Variants in RBMS1 observed in about 807,000 individuals in gnomAD.
RBMS1 encodes the protein RNA-binding motif, single-stranded-interacting protein 1.
A neutral mutation model predicts 62.3 loss-of-function variants in RBMS1; 17 were observed. The observed-to-expected ratio is 0.27, with a 90% CI of 0.19 to 0.41. RBMS1 has a LOEUF of 0.41. RBMS1 is among the 10% of genes least tolerant of loss of function. The pLI is 1.00. For synonymous variants in RBMS1, 172 were observed against 170.0 expected (o/e 1.01, Z -0.09); for missense variants, 334 against 504.5 (o/e 0.66, Z 3.24).
chr2:160,404,433 G>T (rs1280272025), intron 1 of RBMS1, among the ~76,000 whole-genome samples: 2 of 152,042 alleles, frequency 1.3e-5, no homozygotes, highest in African/African-American at 2.4e-5. Flanking sequence ...GCCTACTGTG[G>T]ATTAAAAATA....
At chr2:160,396,805 C>A (rs1695168474) in intron 1 of RBMS1, among the ~76,000 whole-genome samples, 1 of 151,988 alleles carries the variant, frequency 6.6e-6, no homozygotes, top group South Asian at 2.1e-4. Context: ...CCTCGTAATC[C>A]GCCCACCTCG....
chr2:160,419,252 C>A (rs1696318408), intron 1 of RBMS1, among the ~76,000 whole-genome samples: 1 of 152,088 alleles, frequency 6.6e-6, no homozygotes, highest in Admixed American at 6.5e-5. Context: ...TTCACTTAAG[C>A]TATTTGCTAT....
At chr2:160,405,866 A>C (rs551376042) in intron 1 of RBMS1, among the ~76,000 whole-genome samples, 19 of 152,180 alleles carry the variant, frequency 1.2e-4, no homozygotes, top group African/African-American at 4.6e-4. Context: ...TGAATACACA[A>C]GGCCCTAACA....
intron 1 of RBMS1, among the ~76,000 whole-genome samples, chr2:160,466,786 A>G (rs1684714420): frequency 6.6e-6 from 1 of 152,208 alleles, no homozygotes; most frequent in Non-Finnish European, 1.5e-5. Flanking sequence ...CAAGGGAAGC[A>G]GTGAGGTGGA....
At chr2:160,285,192 G>A (rs1688313324) in intron 7 of RBMS1, 148 bp from the exon 8 acceptor site, 5 of 722,100 alleles carry the variant, frequency 6.9e-6, no homozygotes, top group Admixed American at 2.2e-5. Context: ...CCAGGAGTTC[G>A]AGGCTGTAGT....
In RBMS1 at chr2:160,273,926, C is replaced by T. The variant is rs1178662860; in HGVS notation, c.*846G>A. The T allele has an allele frequency of 6.6e-6, 1 of 152,604 alleles. No homozygotes were observed. The highest frequency in any genetic ancestry group is 1.9e-4 in the East Asian group (1 of 5,202). The allele number at this position is 152,604 out of a possible 1,614,324, so 9.5% of individuals were successfully genotyped here. ...CCCCAGTCAGAAAATGTGTTTCACA[C>T]AAAACATTTTTCCCTTCTTGCATTT... is the stretch of plus-strand genomic sequence containing the variant. On this transcript the variant is annotated 3_prime_UTR_variant, in exon 14 of 14. Transcript: ENST00000348849.
At chr2:160,329,495 G>A (rs1214146606) in intron 2 of RBMS1, among the ~76,000 whole-genome samples, 1 of 152,168 alleles carries the variant, frequency 6.6e-6, no homozygotes, top group Non-Finnish European at 1.5e-5. Flanking sequence ...ATAAAGATGA[G>A]CAATCATTGC....
intron 1 of RBMS1, among the ~76,000 whole-genome samples, chr2:160,384,151 C>T (rs891217692): frequency 6.6e-6 from 1 of 152,134 alleles, no homozygotes; most frequent in Non-Finnish European, 1.5e-5. Context: ...GAGCCAAGAT[C>T]GTGCCACCGC....
At chr2:160,461,805 G>A (rs933849921) in intron 1 of RBMS1, among the ~76,000 whole-genome samples, 1 of 152,210 alleles carries the variant, frequency 6.6e-6, no homozygotes, top group Non-Finnish European at 1.5e-5. Context: ...GAAAATAATA[G>A]GAGATCATAG....
intron 2 of RBMS1, among the ~76,000 whole-genome samples, chr2:160,358,785 A>G (rs1692951624): frequency 6.6e-6 from 1 of 152,094 alleles, no homozygotes; most frequent in African/African-American, 2.4e-5. Context: ...ATTAGTTTTT[A>G]TTTTTTTAAT....
At chr2:160,474,873 G>A (rs1199861792) in intron 1 of RBMS1, among the ~76,000 whole-genome samples, 1 of 152,196 alleles carries the variant, frequency 6.6e-6, no homozygotes, top group African/African-American at 2.4e-5. Context: ...GTCCTGCAAA[G>A]TATTTTCAGT....
At chr2:160,371,924 A>G (rs1693744721) in intron 1 of RBMS1, among the ~76,000 whole-genome samples, 1 of 152,210 alleles carries the variant, frequency 6.6e-6, no homozygotes, top group East Asian at 1.9e-4. Flanking sequence ...CTCCCTCTCT[A>G]TCACATCACC....
At chr2:160,463,050 C>A (rs1402713492) in intron 1 of RBMS1, among the ~76,000 whole-genome samples, 5 of 151,542 alleles carry the variant, frequency 3.3e-5, no homozygotes, top group African/African-American at 1.2e-4. Flanking sequence ...GCTCTTCCTG[C>A]AGAACTGAGA....
In RBMS1 at chr2:160,436,384, T is replaced by C. The variant is rs187267916; in HGVS notation, c.75+56905A>G. Among the ~76,000 whole-genome samples, 908 of 152,350 alleles carry C rather than the reference T, an allele frequency of 6.0e-3. 3 individuals carry two copies. The highest frequency in any genetic ancestry group is 0.012 in the Admixed American group (178 of 15,302). ...TAACAATAAAGCAAGGGGCACCAGC[T>C]ATTAAAAGGGAAACCTTCCTAATAT... On this transcript the variant is annotated intron_variant, in intron 1 of 13. Transcript: ENST00000348849.
At chr2:160,453,014 G>A (rs1273295745) in intron 1 of RBMS1, among the ~76,000 whole-genome samples, 1 of 152,164 alleles carries the variant, frequency 6.6e-6, no homozygotes, top group Non-Finnish European at 1.5e-5. Context: ...CAGGACTCAC[G>A]TAAGGATTAA....
At chr2:160,405,683 G>C (rs1695663248) in intron 1 of RBMS1, among the ~76,000 whole-genome samples, 2 of 152,088 alleles carry the variant, frequency 1.3e-5, no homozygotes, top group African/African-American at 2.4e-5. Context: ...TTTAGTCTTT[G>C]AATCTAAGGA....
chr2:160,369,980 A>T (rs1008012453), intron 1 of RBMS1, among the ~76,000 whole-genome samples: 1 of 152,208 alleles, frequency 6.6e-6, no homozygotes, highest in African/African-American at 2.4e-5. Flanking sequence ...GAGCCAGTTT[A>T]ATATAAATTT....
chr2:160,382,016 T>C (rs1356478852), intron 1 of RBMS1, among the ~76,000 whole-genome samples: 1 of 152,214 alleles, frequency 6.6e-6, no homozygotes, highest in Non-Finnish European at 1.5e-5. Flanking sequence ...CCTACCAGCC[T>C]GTCAACCCCT....
intron 2 of RBMS1, among the ~76,000 whole-genome samples, chr2:160,359,332 C>T (rs1692994593): frequency 6.6e-6 from 1 of 152,136 alleles, no homozygotes; most frequent in South Asian, 2.1e-4. Flanking sequence ...CTGAATACTC[C>T]TGTGTAGAAT....
Sources: gnomAD v4.1 joint callset for allele counts (sites outside exome capture counted in the v4.1 genomes callset) on GRCh38, gnomAD v4.1.1 for gene constraint, MANE v1.5 for transcripts, NCBI Gene and HGNC (gene_info 2026-07-23, HGNC 2026-07-21) for gene names.